SPTA1: variants seen among roughly 807,000 people sequenced by gnomAD.
SPTA1 encodes the protein spectrin alpha chain, erythrocytic 1.
A neutral mutation model predicts 324.7 loss-of-function variants in SPTA1; 177 were observed. The ratio of observed to expected loss-of-function variants is 0.55; its 90% CI spans 0.48 to 0.62. The LOEUF (loss-of-function observed/expected upper bound fraction) is 0.62. Among genes scored for constraint, SPTA1 ranks in the 20% least tolerant of loss-of-function variants. SPTA1 has a pLI of 0.00. For synonymous variants in SPTA1, 1,195 were observed against 1,041.3 expected, an observed-to-expected ratio of 1.15 and a Z score of -2.84; for missense variants, 3,162 against 2,883.6, an observed-to-expected ratio of 1.10 and a Z score of -2.21.
In SPTA1 at chr1:158,626,825, C is replaced by G. The variant is rs1447292343; in HGVS notation, c.5833+14G>C. The G allele has an allele frequency of 6.2e-7, 1 of 1,613,326 alleles. No homozygotes were observed. Among genetic ancestry groups the G allele is most frequent in the Admixed American group, 1.7e-5 (1 of 59,986 alleles). On this transcript the variant is annotated intron_variant, in intron 41 of 51. Coordinates refer to ENST00000643759, the MANE Select transcript of SPTA1 (RefSeq NM_003126.4). Reference sequence around the variant, plus strand: ...TTCTCAAACCCAAGGGACCCTGAACCTGACACATCATACCTATCCAAGCCT... The same window carrying G: ...TTCTCAAACCCAAGGGACCCTGAACGTGACACATCATACCTATCCAAGCCT...
At chr1:158,677,878 A>G in intron 6 of SPTA1, 44 bp from the exon 7 acceptor site, 1 of 1,612,734 alleles carries the variant, frequency 6.2e-7, no homozygotes, top group Non-Finnish European at 8.5e-7. Flanking sequence ...GATAGCAAGC[A>G]TTACAGGGCA....
intron 5 of SPTA1, among the ~76,000 whole-genome samples, chr1:158,679,953 T>G (rs1270941165): frequency 6.6e-6 from 1 of 152,172 alleles, no homozygotes; most frequent in Non-Finnish European, 1.5e-5. Context: ...ATTCTCACTA[T>G]AGAGCTGCAA....
At chr1:158,642,329 A>T in intron 33 of SPTA1, 82 bp downstream of exon 33, 3 of 1,424,134 alleles carry the variant, frequency 2.1e-6, no homozygotes, top group Non-Finnish European at 2.8e-6. Flanking sequence ...ATTAAAAAAA[A>T]TACAATAAAT....
intron 42 of SPTA1, 39 bp from the exon 43 acceptor site, chr1:158,623,231 G>T: frequency 6.4e-7 from 1 of 1,559,234 alleles, no homozygotes; most frequent in Non-Finnish European, 8.8e-7. Context: ...ACAAGAAAAT[G>T]GTGCAAGGGT....
At position 158,651,330 on chromosome 1, in the gene SPTA1, C is replaced by T. The variant is rs749106902; in HGVS notation, c.3477+37G>A. Reference sequence around the variant, plus strand: ...TGAAATGAGGACTCCCAAAGCCCAACCTGGTAGTGAGGAGGAATGGAGGGA... The same window carrying T: ...TGAAATGAGGACTCCCAAAGCCCAATCTGGTAGTGAGGAGGAATGGAGGGA... On this transcript the variant is annotated intron_variant, in intron 24 of 51. Transcript: ENST00000643759. 4.2e-6 allele frequency: 6 copies of T among 1,429,774 alleles called. No homozygotes were observed. The East Asian group carries it at 6.8e-5, about 16-fold the overall frequency. The allele number at this position is 1,429,774 out of a possible 1,614,324, so 88.6% of individuals were successfully genotyped here.
rs964842919 is a variant in SPTA1, at chr1:158,666,394, A to G, written c.2142T>C (p.Asp714=). Residue 714 remains aspartate, a synonymous_variant, in exon 16 of 52, where the codon GAT becomes GAC. Coordinates refer to ENST00000643759, the MANE Select transcript of SPTA1 (RefSeq NM_003126.4). ...GTACCTCGGCCAGGCCTTTCCCATA[A>G]TCCTCAGAGGTGACTTGCCACTCAA... The part of the protein sequence containing the change: ...EDVEWQVTSE[D]YGKGLAEVQN... The G allele has an allele frequency of 6.2e-7, 1 of 1,613,654 alleles. No homozygotes were observed. The highest frequency in any genetic ancestry group is 1.3e-5 in the African/African-American group (1 of 74,806).
chr1:158,638,316 G>A lies in SPTA1; in HGVS notation c.4981-75C>T, dbSNP rs150235482. Reference sequence around the variant, plus strand: ...AGATCCCACACTTTAACAACAGCTGGTCTGGCTCAAAGACTGGGCCAAATG... The same window carrying A: ...AGATCCCACACTTTAACAACAGCTGATCTGGCTCAAAGACTGGGCCAAATG... On this transcript the variant is annotated intron_variant, in intron 35 of 51. Coordinates refer to ENST00000643759, the MANE Select transcript of SPTA1 (RefSeq NM_003126.4). 1.0e-4 allele frequency: 146 copies of A among 1,465,420 alleles called. No homozygotes were observed. In the East Asian group the frequency reaches 2.7e-3, roughly 27 times the overall value. The allele number at this position is 1,465,420 out of a possible 1,614,324, so 90.8% of individuals were successfully genotyped here. A position where few individuals can be genotyped will look rare whatever the true frequency, so the allele number is the denominator to read the frequency against.
chr1:158,653,482 GA>G, intron 21 of SPTA1, 57 bp from the exon 22 acceptor site: 1 of 1,608,078 alleles, frequency 6.2e-7, no homozygotes, highest in Non-Finnish European at 8.5e-7. Context: ...CAACAAACGG[GA>G]GAGACTTCAA....
Position 158,642,420 on chromosome 1 carries a change from C to A in SPTA1, c.4728G>T (p.Glu1576Asp). Residue 1576 changes from glutamate (E) to aspartate (D), a missense_variant, in exon 33 of 52, where the codon GAG becomes GAT. Physicochemically the swap from Glu to Asp is conservative, Grantham distance 45. Transcript: ENST00000643759. ...IECSACDGNE[E>D]AMKEQLEQLK... ...TCATCCTGAGCTTTACCTTCATGGC[C>A]TCTTCATTGCCATCACAAGCGCTAC... 4 of 1,613,406 alleles carry A rather than the reference C, an allele frequency of 2.5e-6. No homozygotes were observed. In the South Asian group the frequency reaches 4.4e-5, roughly 18 times the overall value.
At position 158,666,402 on chromosome 1, in the gene SPTA1, A is replaced by C. The variant is rs752307345; in HGVS notation, c.2134T>G (p.Ser712Ala). The change falls in exon 16 of 52, where the codon TCT (serine) becomes GCT (alanine). Residue 712 changes from serine (S) to alanine (A), a missense_variant. Coordinates refer to ENST00000643759, the MANE Select transcript of SPTA1 (RefSeq NM_003126.4). Reference protein sequence around the residue: ...WLEDVEWQVTSEDYGKGLAEV... With the variant: ...WLEDVEWQVTAEDYGKGLAEV... Reference sequence around the variant, plus strand: ...GCCAGGCCTTTCCCATAATCCTCAGAGGTGACTTGCCACTCAACATCCTCC... The same window carrying C: ...GCCAGGCCTTTCCCATAATCCTCAGCGGTGACTTGCCACTCAACATCCTCC... The C allele has an allele frequency of 1.4e-5, 23 of 1,613,846 alleles. No individual in the cohort carries two copies. Among genetic ancestry groups the C allele is most frequent in the Non-Finnish European group, 1.9e-5 (23 of 1,179,978 alleles).
At chr1:158,659,106 A>G (rs1653025742) in intron 18 of SPTA1, among the ~76,000 whole-genome samples, 1 of 152,118 alleles carries the variant, frequency 6.6e-6, no homozygotes, top group Non-Finnish European at 1.5e-5. Flanking sequence ...TTTCTCATTT[A>G]ATAATCTCAT....
In SPTA1 at chr1:158,642,511, T is replaced by C. The variant is rs568501725; in HGVS notation, c.4637A>G (p.His1546Arg). 91 of 1,613,574 alleles carry C rather than the reference T, an allele frequency of 5.6e-5. 1 individual carries two copies. The Middle Eastern group carries it at 4.5e-3, about 79-fold the overall frequency. ...RKYLKHQTFA[H>R]EVDGRSEQVH... ...CTGCTCAGATCGGCCATCGACTTCA[T>C]GTGCAAAGGTCTGGTGTTTCAGGTA... Residue 1546 changes from histidine (H) to arginine (R), a missense_variant, in exon 33 of 52, where the codon CAT (histidine) becomes CGT (arginine). Physicochemically the swap from His to Arg is conservative, Grantham distance 29. Transcript: ENST00000643759.
chr1:158,685,632 T>C (rs542525663), intron 1 of SPTA1, among the ~76,000 whole-genome samples: 53 of 152,246 alleles, frequency 3.5e-4, no homozygotes, highest in African/African-American at 1.3e-3. Context: ...GGACTGATCA[T>C]GGAGCAAGTT....
At chr1:158,622,033 T>G (rs1649946916) in intron 43 of SPTA1, among the ~76,000 whole-genome samples, 1 of 152,078 alleles carries the variant, frequency 6.6e-6, no homozygotes, top group South Asian at 2.1e-4. Context: ...CCCGGCTAAT[T>G]TTTTGTATTT....
chr1:158,646,901 G>A (rs1652034458), intron 27 of SPTA1, among the ~76,000 whole-genome samples: 1 of 152,134 alleles, frequency 6.6e-6, no homozygotes, highest in Non-Finnish European at 1.5e-5. Flanking sequence ...ATGTTTGAGA[G>A]GTGAATTTTG....
chr1:158,674,415 AAG>A lies in SPTA1; in HGVS notation c.1262_1263del (p.Ser421LeufsTer3). On this transcript the variant is annotated frameshift_variant, in exon 10 of 52. Transcript: ENST00000643759. LOFTEE classifies it high-confidence loss of function. ...TCAGCAGATTGAAATCGGTCATCGT[AAG>A]AGTCAATCTCATGCTGTGGCCACAA... Reference protein sequence around the residue: ...RHQQHKHEIDSYDDRFQSADE... With the variant: ...RHQQHKHEIDXYDDRFQSADE... The A allele has an allele frequency of 6.2e-7, 1 of 1,614,086 alleles. No homozygotes were observed. The highest frequency in any genetic ancestry group is 8.5e-7 in the Non-Finnish European group (1 of 1,179,970).
intron 5 of SPTA1, among the ~76,000 whole-genome samples, 195 bp downstream of exon 5, chr1:158,680,388 C>T (rs903730401): frequency 6.6e-6 from 1 of 152,108 alleles, no homozygotes; most frequent in African/African-American, 2.4e-5. Context: ...TCTCTCAACC[C>T]TCCATTTCAA....
chr1:158,615,298 T>C lies in SPTA1; in HGVS notation c.6706A>G (p.Ile2236Val). ...TGGTCCCACTGCTGAGCCAATCCAATGGTGCTGTATTTGATATCAAGGATC... is the reference window on the plus strand; with the variant it reads ...TGGTCCCACTGCTGAGCCAATCCAACGGTGCTGTATTTGATATCAAGGATC... ...ALILDIKYST[I>V]GLAQQWDQLY... Residue 2236 changes from isoleucine to valine, a missense_variant, in exon 48 of 52, where the codon ATT (isoleucine) becomes GTT (valine). Coordinates refer to ENST00000643759, the MANE Select transcript of SPTA1 (RefSeq NM_003126.4). The C allele has an allele frequency of 1.2e-6, 2 of 1,614,042 alleles. No individual in the cohort carries two copies. The highest frequency in any genetic ancestry group is 1.3e-5 in the African/African-American group (1 of 75,028).
intron 8 of SPTA1, 115 bp from the exon 9 acceptor site, chr1:158,674,790 C>G: frequency 7.2e-7 from 1 of 1,398,498 alleles, no homozygotes; most frequent in South Asian, 1.2e-5. Flanking sequence ...TACTCTAATC[C>G]TAGGTTCCCT....
Sources: gnomAD v4.1 joint callset for allele counts (sites outside exome capture counted in the v4.1 genomes callset) on GRCh38, gnomAD v4.1.1 for gene constraint, MANE v1.5 for transcripts, NCBI Gene and HGNC (gene_info 2026-07-23, HGNC 2026-07-21) for gene names.